TBCE: variants seen among roughly 807,000 people sequenced by gnomAD.
TBCE encodes tubulin-specific chaperone E.
TBCE carries 53 observed loss-of-function variants against 77.0 expected under a neutral mutation model. That is an observed-to-expected ratio of 0.69 (90% CI 0.55 to 0.87). TBCE has a LOEUF of 0.87. TBCE is among the 40% of genes least tolerant of loss of function. TBCE has a pLI of 0.00. For synonymous variants in TBCE, 235 were observed against 241.3 expected (o/e 0.97, Z 0.24); for missense variants, 624 against 622.4 (o/e 1.00, Z -0.03).
At chr1:235,391,600 C>CTTTTTTTTT (rs58265980) in intron 2 of TBCE, among the ~76,000 whole-genome samples, 17 of 85,406 alleles carry the variant, frequency 2.0e-4, no homozygotes, top group African/African-American at 3.0e-4. Context: ...GCTTCATTTC[C>CTTTTTTTTT]TTTTTTTTTT....
chr1:235,426,790 C>G (rs1032994163), intron 5 of TBCE, among the ~76,000 whole-genome samples: 1 of 152,140 alleles, frequency 6.6e-6, no homozygotes, highest in African/African-American at 2.4e-5. Flanking sequence ...GAATTACGAG[C>G]GCGTGCCACC....
chr1:235,367,788 C>A (rs1051694992), intron 1 of TBCE, among the ~76,000 whole-genome samples: 1 of 152,194 alleles, frequency 6.6e-6, no homozygotes, highest in African/African-American at 2.4e-5. Flanking sequence ...ATGGTACAGG[C>A]GACCAACGAC....
intron 3 of TBCE, among the ~76,000 whole-genome samples, chr1:235,410,524 T>C (rs906682468): frequency 6.6e-6 from 1 of 152,180 alleles, no homozygotes; most frequent in East Asian, 1.9e-4. Context: ...CCAGCTTCTT[T>C]ACTGCATGCT....
chr1:235,434,028 TTTTA>T (rs1681266296), intron 7 of TBCE, 172 bp from the exon 8 acceptor site: 1 of 611,444 alleles, frequency 1.6e-6, no homozygotes, highest in South Asian at 1.7e-5. Flanking sequence ...CCCCTTAACA[TTTTA>T]TTTATCACCC....
chr1:235,371,517 CGCGTGTGCCACCATAGCCTGGCT>C (rs1558340259), intron 1 of TBCE, among the ~76,000 whole-genome samples: 69 of 149,534 alleles, frequency 4.6e-4, no homozygotes, highest in African/African-American at 1.7e-3. Flanking sequence ...TGGGATTATA[CGCGTGTGCCACCATAGCCTGGCT>C]AATTTTTGTA....
intron 2 of TBCE, among the ~76,000 whole-genome samples, chr1:235,400,921 C>G (rs1679064038): frequency 6.7e-6 from 1 of 149,282 alleles, no homozygotes; most frequent in Non-Finnish European, 1.5e-5. Flanking sequence ...CTCGACCAGT[C>G]TCGAATTCCT....
chr1:235,442,159 C>G (rs1447509191), intron 14 of TBCE, among the ~76,000 whole-genome samples: 1 of 152,042 alleles, frequency 6.6e-6, no homozygotes, highest in Non-Finnish European at 1.5e-5. Flanking sequence ...CAGGCATACA[C>G]AACCATGCCC....
In TBCE at chr1:235,374,016, C is replaced by G. The variant is rs1472657570; in HGVS notation, c.-31-6003C>G. ...TTGAGACTGAGTCTTTCTTTGTTGC[C>G]CAGGCTGGAATGCAATGGCATACCT... On this transcript the variant is annotated intron_variant, in intron 1 of 16. Transcript: ENST00000642610. Among the ~76,000 whole-genome samples, 18 of 144,662 alleles carry G rather than the reference C, an allele frequency of 1.2e-4. 4 individuals are homozygous for G. Among genetic ancestry groups the G allele is most frequent in the Admixed American group, 5.5e-4 (8 of 14,530 alleles). 94.9% of individuals were successfully genotyped at this position (144,662 alleles called of 152,430 possible). A position where few individuals can be genotyped will look rare whatever the true frequency, so the allele number is the denominator to read the frequency against.
At chr1:235,430,898 G>A in intron 7 of TBCE, 94 bp downstream of exon 7, 1 of 1,024,266 alleles carries the variant, frequency 9.8e-7, no homozygotes, top group South Asian at 1.4e-5. Context: ...TAGTACAACT[G>A]TGGCTTCATT....
chr1:235,422,808 G>A (rs1322756476), intron 5 of TBCE, among the ~76,000 whole-genome samples: 2 of 152,154 alleles, frequency 1.3e-5, no homozygotes, highest in Non-Finnish European at 2.9e-5. Context: ...CAGCCTGGGC[G>A]ACAAGAGCGA....
intron 7 of TBCE, among the ~76,000 whole-genome samples, chr1:235,431,924 G>A (rs899139869): frequency 2.7e-4 from 41 of 149,794 alleles, no homozygotes; most frequent in African/African-American, 9.6e-4. Flanking sequence ...CACCCACCTC[G>A]GCCTGCTAAA....
chr1:235,421,591 C>T (rs1680402414), intron 5 of TBCE, among the ~76,000 whole-genome samples: 1 of 151,788 alleles, frequency 6.6e-6, no homozygotes, highest in South Asian at 2.1e-4. Context: ...GCCTGTAATC[C>T]CAGCTACTTG....
At chr1:235,391,600 C>CTTTTTTTTTTTTTTTTTTTTT (rs58265980) in intron 2 of TBCE, among the ~76,000 whole-genome samples, 1 of 85,398 alleles carries the variant, frequency 1.2e-5, no homozygotes, top group Non-Finnish European at 2.1e-5. Flanking sequence ...GCTTCATTTC[C>CTTTTTTTTTTTTTTTTTTTTT]TTTTTTTTTT....
rs35242859 is a variant in TBCE at position 235,449,079 on chromosome 1, CAGTT to C, written c.*319_*322del. The C allele has an allele frequency of 2.2e-5, 7 of 324,852 alleles. No individual in the cohort carries two copies. The highest frequency in any genetic ancestry group is 1.5e-4 in the African/African-American group (7 of 46,162). 20.1% of individuals were successfully genotyped at this position (324,852 alleles called of 1,614,324 possible). On this transcript the variant is annotated 3_prime_UTR_variant, in exon 17 of 17. Coordinates refer to ENST00000642610, the MANE Select transcript of TBCE (RefSeq NM_003193.5). ...TAGCTAGCCTAATAAAATCTGAACACAGTTAATATCTGTCATAAGACTAGTTTTA... is the reference window on the plus strand; with the variant it reads ...TAGCTAGCCTAATAAAATCTGAACACAATATCTGTCATAAGACTAGTTTTA...
At chr1:235,415,003 G>A (rs1200121868) in intron 4 of TBCE, 8 of 295,286 alleles carry the variant, frequency 2.7e-5, no homozygotes, top group Middle Eastern at 1.2e-3. Context: ...TGCTGGTGCC[G>A]TCTGTTAATA....
chr1:235,388,425 A>T (rs747529121), intron 2 of TBCE, among the ~76,000 whole-genome samples: 1 of 151,010 alleles, frequency 6.6e-6, no homozygotes, highest in Non-Finnish European at 1.5e-5. Flanking sequence ...AGTAGCTGGG[A>T]TTACGGGGAC....
chr1:235,414,439 G>A lies in TBCE; in HGVS notation c.192G>A (p.Pro64=), dbSNP rs544392141. Residue 64 remains proline (P), a synonymous_variant, in exon 4 of 17, where the codon CCG becomes CCA. Coordinates refer to ENST00000642610, the MANE Select transcript of TBCE (RefSeq NM_003193.5). The part of the protein sequence containing the change: ...EGTVYFKCRH[P]TGGSFIRPNK... The stretch of plus-strand genomic sequence containing the variant: ...ATTTGCTCTTCTTTACCAGGCACCC[G>A]ACAGGAGGATCCTTTATTCGTCCGA... 6.2e-6 allele frequency: 10 copies of A among 1,613,502 alleles called. No homozygotes were observed. Among genetic ancestry groups the A allele is most frequent in the African/African-American group, 4.0e-5 (3 of 74,962 alleles).
Position 235,451,246 on chromosome 1 carries a change from A to G in TBCE, c.*2484A>G, listed in dbSNP as rs1682878380. 1 of 152,154 alleles carries G rather than the reference A, an allele frequency of 6.6e-6. No individual in the cohort carries two copies. Among genetic ancestry groups the G allele is most frequent in the South Asian group, 2.1e-4 (1 of 4,832 alleles). 9.4% of individuals were successfully genotyped at this position (152,154 alleles called of 1,614,324 possible). The stretch of plus-strand genomic sequence containing the variant: ...TCAGTCTTGCCCCTCAGTGGGATGG[A>G]AAGGAGTCTCTCTCCCCTCAGTGCC... On this transcript the variant is annotated 3_prime_UTR_variant, in exon 17 of 17. Transcript: ENST00000642610.
At chr1:235,426,889 C>T (rs544119769) in intron 5 of TBCE, among the ~76,000 whole-genome samples, 2 of 152,318 alleles carry the variant, frequency 1.3e-5, no homozygotes, top group East Asian at 1.9e-4. Flanking sequence ...AAGTGATTCC[C>T]CCGACCTTGG....
Sources: allele counts gnomAD v4.1 joint callset (sites outside exome capture counted in the v4.1 genomes callset), GRCh38; gene constraint gnomAD v4.1.1; transcripts MANE v1.5; gene names NCBI Gene and HGNC (gene_info 2026-07-23, HGNC 2026-07-21).